VAT1L: variants seen among roughly 807,000 people sequenced by gnomAD.
VAT1L encodes vesicle amine transport 1 like, also known as putative NADPH-dependent quinone oxidoreductase VAT1L.
In VAT1L, 34 loss-of-function variants were observed where a neutral mutation model predicts 44.1. The ratio of observed to expected loss-of-function variants is 0.77; its 90% CI spans 0.59 to 1.03. The LOEUF (loss-of-function observed/expected upper bound fraction) is 1.03, where lower values mean the gene tolerates loss of function less well. Ranked by LOEUF, VAT1L falls within the 50% of genes least tolerant of loss-of-function variation. The probability of loss-of-function intolerance (pLI) is 0.00; values close to 1 mark genes in which losing one functional copy is unlikely to be tolerated. For missense variants in VAT1L, 615 were observed against 538.8 expected (o/e 1.14, Z -1.40); for synonymous variants, 253 against 202.2 (o/e 1.25, Z -2.13).
chr16:77,894,743 A>G (rs572333251), intron 7 of VAT1L, among the ~76,000 whole-genome samples: 1 of 152,336 alleles, frequency 6.6e-6, no homozygotes, highest in South Asian at 2.1e-4. Context: ...TAGAGATATC[A>G]TATATATGCT....
intron 7 of VAT1L, among the ~76,000 whole-genome samples, chr16:77,931,584 C>A (rs1165611739): frequency 6.6e-6 from 1 of 152,186 alleles, no homozygotes; most frequent in Non-Finnish European, 1.5e-5. Flanking sequence ...AAATTATATG[C>A]AAGAATTACT....
At chr16:77,852,068 A>G (rs1199444769) in intron 3 of VAT1L, among the ~76,000 whole-genome samples, 3 of 151,992 alleles carry the variant, frequency 2.0e-5, no homozygotes, top group South Asian at 2.1e-4. Flanking sequence ...GATCTCCCAC[A>G]GTCTCTTCCT....
At chr16:77,850,094 A>C (rs2016793631) in intron 3 of VAT1L, among the ~76,000 whole-genome samples, 1 of 152,194 alleles carries the variant, frequency 6.6e-6, no homozygotes, top group South Asian at 2.1e-4. Flanking sequence ...TGAGCTGTGA[A>C]CACGATAGTC....
intron 1 of VAT1L, among the ~76,000 whole-genome samples, chr16:77,803,446 G>A (rs764035599): frequency 6.3e-5 from 8 of 126,410 alleles, no homozygotes; most frequent in Admixed American, 1.9e-4. Context: ...TTGAGATGGA[G>A]TCTTGCTCTG....
At position 77,879,191 on chromosome 16, in the gene VAT1L, A is replaced by C; in HGVS notation, c.849A>C (p.Gly283=). 6.2e-7 allele frequency: 1 copy of C among 1,614,212 alleles called. No individual in the cohort carries two copies. Among genetic ancestry groups the C allele is most frequent in the East Asian group, 2.2e-5 (1 of 44,882 alleles). ...CAGGCTCATCCAACATGGTAACTGGAGAGACCAAGAGCTTCTTCAGCTTTG... is the reference window on the plus strand; with the variant it reads ...CAGGCTCATCCAACATGGTAACTGGCGAGACCAAGAGCTTCTTCAGCTTTG... The part of the protein sequence containing the change: ...ILYGSSNMVT[G]ETKSFFSFAK... Residue 283 remains glycine, a synonymous_variant, in exon 6 of 9, where the codon GGA becomes GGC. Transcript: ENST00000302536. This position sits in a 1 kb window ranked among gnomAD's most constrained non-coding sequence, Gnocchi z 4.1.
chr16:77,850,143 A>G lies in VAT1L; in HGVS notation c.580-12605A>G, dbSNP rs139831249. On this transcript the variant is annotated intron_variant, in intron 3 of 8. Transcript: ENST00000302536. ...TTTGCTTTCTGCCAGGCACTGCTGC[A>G]TGCTGGTGTACAAATCCCCGTGTGT... Among the ~76,000 whole-genome samples the G allele has an allele frequency of 1.2e-4, 19 of 152,310 alleles. No individual in the cohort carries two copies. The East Asian group carries it at 3.5e-3, about 28-fold the overall frequency.
chr16:77,880,552 C>T lies in VAT1L; in HGVS notation c.882+1328C>T, dbSNP rs188384542. ...TGAACCACCAGTACACCAGCACCAG[C>T]CCATGTTGCTTTTTTTTTTTCTTCG... On this transcript the variant is annotated intron_variant, in intron 6 of 8. Transcript: ENST00000302536. 2.3e-4 allele frequency among the ~76,000 whole-genome samples: 33 copies of T among 140,908 alleles called. No homozygotes were observed. The East Asian group carries it at 5.4e-3, about 23-fold the overall frequency. 92.4% of individuals were successfully genotyped at this position (140,908 alleles called of 152,430 possible). A position where few individuals can be genotyped will look rare whatever the true frequency, so the allele number is the denominator to read the frequency against.
At chr16:77,852,437 G>A (rs974475817) in intron 3 of VAT1L, among the ~76,000 whole-genome samples, 6 of 152,232 alleles carry the variant, frequency 3.9e-5, no homozygotes, top group Admixed American at 1.3e-4. Context: ...TATGTGGGGA[G>A]TGGGAGTCAT....
intron 7 of VAT1L, among the ~76,000 whole-genome samples, chr16:77,944,754 T>G (rs554207499): frequency 6.6e-5 from 10 of 152,298 alleles, no homozygotes; most frequent in Middle Eastern, 3.4e-3. Flanking sequence ...TATTATTATT[T>G]TAGGTCTATT....
In VAT1L at chr16:77,854,010, C is replaced by T. The variant is rs1308283142; in HGVS notation, c.580-8738C>T. On this transcript the variant is annotated intron_variant, in intron 3 of 8. Transcript: ENST00000302536. The stretch of plus-strand genomic sequence containing the variant: ...AGGCATGGTGGCACGTGCCTGTAGT[C>T]CCAGCTACTTGAGCAGCTGAGGCAA... Among the ~76,000 whole-genome samples the T allele has an allele frequency of 2.6e-5, 4 of 152,048 alleles. 1 individual carries two copies. Among genetic ancestry groups the T allele is most frequent in the South Asian group, 4.2e-4 (2 of 4,800 alleles).
chr16:77,890,492 C>G (rs1013382194), intron 7 of VAT1L, among the ~76,000 whole-genome samples: 1 of 152,080 alleles, frequency 6.6e-6, no homozygotes, highest in Admixed American at 6.6e-5. Context: ...CCACTCTGGC[C>G]CCAAGTATGA....
rs2145197595 is a variant in VAT1L, at chr16:77,788,580, T to G, written c.-103T>G. ...GCTGCAGCCATTGCACAGCCGAGCA[T>G]CCCACATTCAACAGGAGGAACCCGC... On this transcript the variant is annotated 5_prime_UTR_variant, in exon 1 of 9. Transcript: ENST00000302536. 1 of 1,323,866 alleles carries G rather than the reference T, an allele frequency of 7.6e-7. No individual in the cohort carries two copies. The highest frequency in any genetic ancestry group is 1.5e-5 in the African/African-American group (1 of 67,492). The allele number at this position is 1,323,866 out of a possible 1,614,324, so 82.0% of individuals were successfully genotyped here.
chr16:77,892,464 T>C (rs1176682795), intron 7 of VAT1L: 2 of 511,820 alleles, frequency 3.9e-6, no homozygotes, highest in African/African-American at 3.9e-5. Context: ...GTGCGGTTGA[T>C]GGTGGGCCCT....
At chr16:77,892,556 T>G in intron 7 of VAT1L, 2 of 597,106 alleles carry the variant, frequency 3.3e-6, no homozygotes, top group African/African-American at 1.8e-5. Context: ...AGAGGAAGGA[T>G]TTGGTTATAA....
intron 7 of VAT1L, among the ~76,000 whole-genome samples, chr16:77,942,743 T>C (rs931594182): frequency 6.6e-6 from 1 of 151,952 alleles, no homozygotes; most frequent in Non-Finnish European, 1.5e-5. Context: ...TTGTTTTTTG[T>C]TTTTTGTCTT....
intron 3 of VAT1L, among the ~76,000 whole-genome samples, chr16:77,827,883 G>T (rs2016541069): frequency 6.6e-6 from 1 of 152,076 alleles, no homozygotes; most frequent in South Asian, 2.1e-4. Context: ...TTTTCTTACG[G>T]TGCACTCTTA....
Position 77,979,077 on chromosome 16 carries a change from G to C in VAT1L, c.*1382G>C, listed in dbSNP as rs1451117453. On this transcript the variant is annotated 3_prime_UTR_variant, in exon 9 of 9. Transcript: ENST00000302536. The stretch of plus-strand genomic sequence containing the variant: ...CCAGTTTCTCCACCAACAAGCCTTA[G>C]GGTGGACCCAACCCTTTCCGCAAGT... 3 of 152,482 alleles carry C rather than the reference G, an allele frequency of 2.0e-5. No individual in the cohort carries two copies. The highest frequency in any genetic ancestry group is 4.4e-5 in the Non-Finnish European group (3 of 68,048). The allele number at this position is 152,482 out of a possible 1,614,324, so 9.4% of individuals were successfully genotyped here. A position where few individuals can be genotyped will look rare whatever the true frequency, so the allele number is the denominator to read the frequency against.
intron 3 of VAT1L, among the ~76,000 whole-genome samples, chr16:77,861,506 G>A (rs1026712719): frequency 4.6e-5 from 7 of 152,166 alleles, no homozygotes; most frequent in Non-Finnish European, 7.3e-5. Flanking sequence ...TGGACATCTC[G>A]GCAATGGATA....
At chr16:77,908,940 G>A (rs1442422819) in intron 7 of VAT1L, among the ~76,000 whole-genome samples, 1 of 152,062 alleles carries the variant, frequency 6.6e-6, no homozygotes, top group Non-Finnish European at 1.5e-5. Context: ...GACAGGAAAA[G>A]GAGAGTGGAA....
Sources: allele counts gnomAD v4.1 joint callset (sites outside exome capture counted in the v4.1 genomes callset), GRCh38; gene constraint gnomAD v4.1.1; non-coding constraint Gnocchi (gnomAD v3.1); transcripts MANE v1.5; gene names NCBI Gene and HGNC (gene_info 2026-07-23, HGNC 2026-07-21).